Variants in UACA observed in about 807,000 individuals in gnomAD.
UACA encodes uveal autoantigen with coiled-coil domains and ankyrin repeats.
A neutral mutation model predicts 160.5 loss-of-function variants in UACA; 112 were observed. That is an observed-to-expected ratio of 0.70 (90% confidence interval 0.60 to 0.82). The LOEUF is 0.82. Among genes scored for constraint, UACA ranks in the 40% least tolerant of loss-of-function variants. The pLI, the probability that UACA is intolerant of heterozygous loss-of-function variation, is 0.00. For missense variants in UACA, 1,574 were observed against 1,614.6 expected, an observed-to-expected ratio of 0.97 and a Z score of 0.43; for synonymous variants, 557 against 568.4, an observed-to-expected ratio of 0.98 and a Z score of 0.29.
At chr15:70,663,277 G>C (rs561029799) in intron 17 of UACA, among the ~76,000 whole-genome samples, 10 of 152,178 alleles carry the variant, frequency 6.6e-5, no homozygotes, top group African/African-American at 1.4e-4. Flanking sequence ...ATCACTGGCC[G>C]TCAGAGAAAT....
At position 70,654,721 on chromosome 15, in the gene UACA, G is replaced by A. The variant is rs914219964; in HGVS notation, c.*2335C>T. On this transcript the variant is annotated 3_prime_UTR_variant, in exon 19 of 19. Coordinates refer to ENST00000322954, the MANE Select transcript of UACA (RefSeq NM_018003.4). ...AGGATTGCACTCCAATAGGAATTGA[G>A]TGATTCTCTCAGAGAGCACTCATTA... 7 of 151,660 alleles carry A rather than the reference G, an allele frequency of 4.6e-5. No homozygotes were observed. The highest frequency in any genetic ancestry group is 8.8e-5 in the Non-Finnish European group (6 of 67,952). The allele number at this position is 151,660 out of a possible 1,614,324, so 9.4% of individuals were successfully genotyped here. A position where few individuals can be genotyped will look rare whatever the true frequency, so the allele number is the denominator to read the frequency against.
intron 1 of UACA, among the ~76,000 whole-genome samples, chr15:70,752,791 A>C (rs2141013182): frequency 6.6e-6 from 1 of 152,264 alleles, no homozygotes; most frequent in Non-Finnish European, 1.5e-5. Flanking sequence ...ACACACACAC[A>C]CCCCTCCAAA....
intron 8 of UACA, 63 bp from the exon 9 acceptor site, chr15:70,682,858 C>T: frequency 1.8e-6 from 2 of 1,081,370 alleles, no homozygotes; most frequent in Non-Finnish European, 2.7e-6. Flanking sequence ...GGTACGCATT[C>T]CCTAACTATA....
chr15:70,702,052 C>A, intron 1 of UACA: 2 of 1,401,502 alleles, frequency 1.4e-6, no homozygotes, highest in South Asian at 1.7e-5. Flanking sequence ...CTACACTTAG[C>A]TTGGATCTCT....
chr15:70,660,272 T>C, intron 17 of UACA, 56 bp from the exon 18 acceptor site: 2 of 1,452,350 alleles, frequency 1.4e-6, no homozygotes, highest in Non-Finnish European at 1.9e-6. Flanking sequence ...TTTCCAAACT[T>C]TGGACAATGC....
rs1454552195 is a variant in UACA at position 70,667,829 on chromosome 15, T to C, written c.2855A>G (p.Asn952Ser). Residue 952 changes from asparagine (N) to serine (S), a missense_variant, in exon 16 of 19, where the codon AAC becomes AGC. By Grantham distance (46) the Asn-to-Ser change is conservative. Coordinates refer to ENST00000322954, the MANE Select transcript of UACA (RefSeq NM_018003.4). ...AATCTCTTCTTGGCCTTTTCTGTAGTTGGCCAAGATTTCAGCATTACTATC... is the reference window on the plus strand; with the variant it reads ...AATCTCTTCTTGGCCTTTTCTGTAGCTGGCCAAGATTTCAGCATTACTATC... ...VQDSNAEILA[N>S]YRKGQEEIVT... The C allele has an allele frequency of 1.9e-6, 3 of 1,613,926 alleles. No individual in the cohort carries two copies. In the South Asian group the frequency reaches 3.3e-5, roughly 18 times the overall value.
At position 70,669,449 on chromosome 15, in the gene UACA, C is replaced by CA; in HGVS notation, c.1234_1235insT (p.Gly412ValfsTer27). On this transcript the variant is annotated frameshift_variant, in exon 16 of 19. Transcript: ENST00000322954. LOFTEE classifies it high-confidence loss of function. ...TCTGCTTTGCATATGGGCTGGTATA[C>CA]CTGGGGAAGTACACTGAAAAGAAAA... is the stretch of plus-strand genomic sequence containing the variant. The CA allele has an allele frequency of 6.4e-7, 1 of 1,570,736 alleles. No homozygotes were observed. Among genetic ancestry groups the CA allele is most frequent in the Non-Finnish European group, 8.6e-7 (1 of 1,164,092 alleles).
At chr15:70,683,535 T>C (rs147230584) in intron 8 of UACA, among the ~76,000 whole-genome samples, 87 of 152,318 alleles carry the variant, frequency 5.7e-4, no homozygotes, top group African/African-American at 2.0e-3. Context: ...AGGACAGTCA[T>C]AACCTTTGTG....
chr15:70,722,518 A>G (rs1899024244), intron 1 of UACA, among the ~76,000 whole-genome samples: 1 of 152,278 alleles, frequency 6.6e-6, no homozygotes, highest in Non-Finnish European at 1.5e-5. Context: ...AGGTCTTGCT[A>G]TGTGGCCCAG....
intron 9 of UACA, 24 bp downstream of exon 9, chr15:70,682,734 T>C (rs1222056079): frequency 2.7e-6 from 4 of 1,463,794 alleles, no homozygotes; most frequent in Non-Finnish European, 3.7e-6. Context: ...CATATAATTA[T>C]TTAAAATTAA....
intron 1 of UACA, among the ~76,000 whole-genome samples, chr15:70,745,446 G>GAAAAAAAAAAAAAAAAAAGAAAAA (rs71152312): frequency 7.7e-6 from 1 of 129,454 alleles, no homozygotes; most frequent in African/African-American, 3.2e-5. Flanking sequence ...AAAAGAAAAA[G>GAAAAAAAAAAAAAAAAAAGAAAAA]AAAAAAAAAA....
At chr15:70,760,806 A>G (rs1472231997) in intron 1 of UACA, among the ~76,000 whole-genome samples, 1 of 133,206 alleles carries the variant, frequency 7.5e-6, no homozygotes, top group African/African-American at 2.7e-5. Context: ...ACTCCGTCTC[A>G]AAAAAAAAAA....
At chr15:70,665,252 G>A (rs577001548) in intron 16 of UACA, among the ~76,000 whole-genome samples, 1 of 152,172 alleles carries the variant, frequency 6.6e-6, no homozygotes, top group Admixed American at 6.5e-5. Context: ...TTCAAGAGTT[G>A]TATTATTTAA....
chr15:70,742,108 C>CA (rs1243083514), intron 1 of UACA, among the ~76,000 whole-genome samples: 2 of 152,062 alleles, frequency 1.3e-5, no homozygotes, highest in African/African-American at 2.4e-5. Context: ...AATGTGCATA[C>CA]AAAAAAAGTT....
In UACA at chr15:70,712,066, A is replaced by G. The variant is rs569518966; in HGVS notation, c.79-12406T>C. ...AAGCTCCAGGCATATATATATATAT[A>G]TCTCCATATACCTTCTTCATGATTC... is the stretch of plus-strand genomic sequence containing the variant. On this transcript the variant is annotated intron_variant, in intron 1 of 18. Coordinates refer to ENST00000322954, the MANE Select transcript of UACA (RefSeq NM_018003.4). Among the ~76,000 whole-genome samples the G allele has an allele frequency of 2.0e-5, 3 of 149,534 alleles. No homozygotes were observed. In the East Asian group the frequency reaches 5.9e-4, roughly 29 times the overall value.
At chr15:70,743,273 T>C (rs1899594935) in intron 1 of UACA, among the ~76,000 whole-genome samples, 1 of 152,228 alleles carries the variant, frequency 6.6e-6, no homozygotes, top group African/African-American at 2.4e-5. Context: ...GTAATTAGAA[T>C]AGGCACACCT....
At chr15:70,726,935 G>C (rs1381035719) in intron 1 of UACA, among the ~76,000 whole-genome samples, 1 of 152,160 alleles carries the variant, frequency 6.6e-6, no homozygotes, top group Non-Finnish European at 1.5e-5. Context: ...TCAAGCAGAG[G>C]ATGAGTGGTG....
chr15:70,685,049 C>T (rs1167658880), intron 7 of UACA, among the ~76,000 whole-genome samples: 1 of 152,130 alleles, frequency 6.6e-6, no homozygotes, highest in Non-Finnish European at 1.5e-5. Context: ...CCCTAAGAAT[C>T]CCTTCTCCTC....
chr15:70,691,504 G>C, intron 3 of UACA, 141 bp from the exon 4 acceptor site: 1 of 585,322 alleles, frequency 1.7e-6, no homozygotes, highest in East Asian at 2.9e-5. Flanking sequence ...TTCCAAAGAT[G>C]TTTCATCTAG....
Sources: gnomAD v4.1 joint callset for allele counts (sites outside exome capture counted in the v4.1 genomes callset) on GRCh38, gnomAD v4.1.1 for gene constraint, MANE v1.5 for transcripts, NCBI Gene and HGNC (gene_info 2026-07-23, HGNC 2026-07-21) for gene names.